Variants in CWH43 observed in about 807,000 individuals in gnomAD.
CWH43 encodes the protein cell wall biogenesis 43 C-terminal homolog.
A neutral mutation model predicts 85.7 loss-of-function variants in CWH43; 91 were observed. That is an observed-to-expected ratio of 1.06 (90% CI 0.90 to 1.26). The LOEUF (loss-of-function observed/expected upper bound fraction) is 1.26, where lower values mean the gene tolerates loss of function less well. Ranked by LOEUF, CWH43 falls within the 50% of genes most tolerant of loss-of-function variation. The probability of loss-of-function intolerance (pLI) is 0.00; values close to 1 mark genes in which losing one functional copy is unlikely to be tolerated. For missense variants in CWH43, 869 were observed against 839.2 expected (o/e 1.04, Z -0.44); for synonymous variants, 323 against 293.6 (o/e 1.10, Z -1.02).
intron 15 of CWH43, among the ~76,000 whole-genome samples, chr4:49,055,986 A>G (rs1233598933): frequency 6.8e-6 from 1 of 147,364 alleles, no homozygotes; most frequent in Non-Finnish European, 1.5e-5. Context: ...ACATATGTAT[A>G]CATGTGCCAT....
rs74547454 is a variant in CWH43 at position 49,036,851 on chromosome 4, G to T, written c.1659-1185G>T. Among the ~76,000 whole-genome samples, 18 of 152,240 alleles carry T rather than the reference G, an allele frequency of 1.2e-4. No homozygotes were observed. The East Asian group carries it at 3.5e-3, about 29-fold the overall frequency. ...TGGGAGGAGCTGAGTCTCTTCTGCG[G>T]CTCCAGCTCTTCTTTGTATGGTCCC... On this transcript the variant is annotated intron_variant, in intron 12 of 15. Transcript: ENST00000226432.
intron 8 of CWH43, among the ~76,000 whole-genome samples, chr4:49,015,643 C>T (rs1310078472): frequency 6.6e-6 from 1 of 152,022 alleles, no homozygotes. Context: ...CTTTCCCATT[C>T]TTTCTCTTTC....
intron 12 of CWH43, among the ~76,000 whole-genome samples, chr4:49,037,482 A>G (rs1784294517): frequency 6.6e-6 from 1 of 151,944 alleles, no homozygotes; most frequent in South Asian, 2.1e-4. Flanking sequence ...AGGCAGGAGA[A>G]TTGCATGAAT....
chr4:49,023,246 A>G (rs1314135219), intron 9 of CWH43, among the ~76,000 whole-genome samples: 3 of 152,206 alleles, frequency 2.0e-5, no homozygotes, highest in Non-Finnish European at 4.4e-5. Flanking sequence ...CACTATTATC[A>G]TTCAGTTCAA....
intron 15 of CWH43, among the ~76,000 whole-genome samples, chr4:49,054,669 C>G (rs1425993034): frequency 6.6e-6 from 1 of 151,922 alleles, no homozygotes; most frequent in South Asian, 2.1e-4. Flanking sequence ...AATTTGTGGT[C>G]TTCAATTTCT....
intron 15 of CWH43, among the ~76,000 whole-genome samples, chr4:49,056,791 C>G (rs1418909609): frequency 2.0e-5 from 3 of 152,014 alleles, no homozygotes; most frequent in Non-Finnish European, 4.4e-5. Flanking sequence ...TTTATTGCTA[C>G]AAAATTCCCT....
chr4:49,052,481 G>T (rs1784829390), intron 15 of CWH43, among the ~76,000 whole-genome samples: 2 of 152,192 alleles, frequency 1.3e-5, no homozygotes, highest in African/African-American at 4.8e-5. Context: ...ATTAGTATTT[G>T]CAGTAGTAAT....
chr4:49,013,498 C>A (rs1050451195), intron 8 of CWH43, among the ~76,000 whole-genome samples: 1 of 152,246 alleles, frequency 6.6e-6, no homozygotes, highest in African/African-American at 2.4e-5. Flanking sequence ...ATGGGCTGTG[C>A]CCACTGTGCA....
rs765237802 is a variant in CWH43, at chr4:48,998,538, G to A, written c.792G>A (p.Trp264Ter). The A allele has an allele frequency of 1.2e-6, 2 of 1,613,358 alleles. No individual in the cohort carries two copies. The highest frequency in any genetic ancestry group is 4.5e-5 in the East Asian group (2 of 44,886). Residue 264 changes from tryptophan (W) to a stop codon, truncating the protein, a stop_gained, in exon 6 of 16, where the codon TGG becomes TGA. Coordinates refer to ENST00000226432, the MANE Select transcript of CWH43 (RefSeq NM_025087.3). LOFTEE classifies it high-confidence loss of function. ...CLWFRGTGLIWWVTGTASAAG... is the reference protein window; with the variant it reads ...CLWFRGTGLI ...GGTTTCGTGGTACTGGTTTGATCTG[G>A]TGGGTTACAGGTATGTGGAATTTAC...
intron 8 of CWH43, among the ~76,000 whole-genome samples, chr4:49,011,338 T>C (rs1481056136): frequency 6.6e-6 from 1 of 152,154 alleles, no homozygotes; most frequent in Admixed American, 6.6e-5. Flanking sequence ...TGGTAGATCT[T>C]CCTCCATCCC....
intron 12 of CWH43, among the ~76,000 whole-genome samples, chr4:49,032,946 T>C (rs1038676103): frequency 6.6e-6 from 1 of 152,124 alleles, no homozygotes; most frequent in African/African-American, 2.4e-5. Flanking sequence ...AGCTGTACAG[T>C]CAATTCCCTG....
At chr4:49,010,020 T>C (rs543653002) in intron 8 of CWH43, among the ~76,000 whole-genome samples, 27 of 152,342 alleles carry the variant, frequency 1.8e-4, no homozygotes, top group Non-Finnish European at 2.9e-4. Context: ...TCCCTCTTTT[T>C]CTATTGATTG....
chr4:49,041,451 G>T (rs190316685), intron 13 of CWH43, among the ~76,000 whole-genome samples: 2 of 152,154 alleles, frequency 1.3e-5, no homozygotes, highest in African/African-American at 4.8e-5. Flanking sequence ...CCTTGAAGAG[G>T]TCCTTCACAT....
intron 15 of CWH43, among the ~76,000 whole-genome samples, chr4:49,057,949 G>T (rs1785018669): frequency 1.3e-5 from 2 of 152,100 alleles, no homozygotes; most frequent in Non-Finnish European, 2.9e-5. Context: ...GTTATCATTT[G>T]CATGGAATAT....
intron 9 of CWH43, among the ~76,000 whole-genome samples, chr4:49,025,449 A>G (rs1783880619): frequency 6.6e-6 from 1 of 152,080 alleles, no homozygotes; most frequent in African/African-American, 2.4e-5. Flanking sequence ...TATTAATAGA[A>G]TTGTGTTTCT....
At chr4:48,991,065 C>G (rs530812945) in intron 2 of CWH43, among the ~76,000 whole-genome samples, 1 of 151,908 alleles carries the variant, frequency 6.6e-6, no homozygotes, top group Non-Finnish European at 1.5e-5. Context: ...TATGAAGTGC[C>G]CAGAATAGGA....
chr4:49,024,095 A>G (rs1783830811), intron 9 of CWH43, among the ~76,000 whole-genome samples: 1 of 152,034 alleles, frequency 6.6e-6, no homozygotes, highest in African/African-American at 2.4e-5. Flanking sequence ...TCGTTATGTA[A>G]TGTCCTTCTT....
At chr4:49,020,416 C>CACACACACACATATATAT (rs140534523) in intron 9 of CWH43, among the ~76,000 whole-genome samples, 2 of 128,340 alleles carry the variant, frequency 1.6e-5, no homozygotes, top group Admixed American at 9.1e-5. Flanking sequence ...CACACACACA[C>CACACACACACATATATAT]ATATATATAT....
chr4:48,989,872 A>G (rs547765595), intron 2 of CWH43, among the ~76,000 whole-genome samples: 1 of 152,348 alleles, frequency 6.6e-6, no homozygotes, highest in African/African-American at 2.4e-5. Flanking sequence ...TAACAAATGA[A>G]GTTTCCTACC....
Sources: allele counts gnomAD v4.1 joint callset (sites outside exome capture counted in the v4.1 genomes callset), GRCh38; gene constraint gnomAD v4.1.1; transcripts MANE v1.5; gene names NCBI Gene and HGNC (gene_info 2026-07-23, HGNC 2026-07-21).